Variants in SEMA4D observed in about 807,000 individuals in gnomAD.
SEMA4D encodes the protein semaphorin 4D, also known as semaphorin-4D.
In SEMA4D, 22 loss-of-function variants were observed where a neutral mutation model predicts 74.8. The observed-to-expected ratio is 0.29, with a 90% confidence interval of 0.21 to 0.42. The LOEUF (loss-of-function observed/expected upper bound fraction) is 0.42, where lower values mean the gene tolerates loss of function less well. Ranked by LOEUF, SEMA4D falls within the 10% of genes least tolerant of loss-of-function variation. The pLI is 1.00. For synonymous variants in SEMA4D, 445 were observed against 463.7 expected, an observed-to-expected ratio of 0.96 and a Z score of 0.52; for missense variants, 937 against 1,118.4, an observed-to-expected ratio of 0.84 and a Z score of 2.31.
At chr9:89,412,232 C>T (rs1844692796) in intron 2 of SEMA4D, among the ~76,000 whole-genome samples, 1 of 152,180 alleles carries the variant, frequency 6.6e-6, no homozygotes, top group Admixed American at 6.5e-5. Flanking sequence ...AGGTAAGGAG[C>T]CAAGAGTAGA....
intron 2 of SEMA4D, among the ~76,000 whole-genome samples, chr9:89,413,436 A>G (rs551064416): frequency 2.0e-5 from 3 of 152,360 alleles, no homozygotes; most frequent in Admixed American, 6.5e-5. Flanking sequence ...GTATATATAT[A>G]TGTGGACACA....
At chr9:89,458,339 G>A (rs1173823581) in intron 1 of SEMA4D, among the ~76,000 whole-genome samples, 10 of 152,082 alleles carry the variant, frequency 6.6e-5, no homozygotes, top group African/African-American at 1.5e-4. Context: ...CACTGCAACC[G>A]ATACATACCA....
At chr9:89,461,475 T>A (rs1426383049) in intron 1 of SEMA4D, among the ~76,000 whole-genome samples, 1 of 152,086 alleles carries the variant, frequency 6.6e-6, no homozygotes, top group African/African-American at 2.4e-5. Flanking sequence ...TATGAGCAAA[T>A]GGCTGCAGTT....
chr9:89,456,633 C>A (rs116777922), intron 1 of SEMA4D, among the ~76,000 whole-genome samples: 3 of 152,156 alleles, frequency 2.0e-5, no homozygotes. Flanking sequence ...CAGGCTGGAG[C>A]GCAGCGGCAC....
intron 2 of SEMA4D, chr9:89,436,468 G>A (rs984667426): frequency 1.3e-5 from 2 of 152,398 alleles, no homozygotes; most frequent in Non-Finnish European, 2.9e-5. Context: ...CTGACTGCAG[G>A]GGTTTCAAGG....
chr9:89,437,560 G>T (rs540975078), intron 2 of SEMA4D, among the ~76,000 whole-genome samples: 2 of 152,318 alleles, frequency 1.3e-5, no homozygotes, highest in South Asian at 2.1e-4. Context: ...CGCCCTGAGA[G>T]GGGAGGGCAC....
chr9:89,425,700 C>G (rs570729878), intron 2 of SEMA4D, among the ~76,000 whole-genome samples: 3 of 152,346 alleles, frequency 2.0e-5, no homozygotes, highest in South Asian at 2.1e-4. Flanking sequence ...ACCCCCTCCC[C>G]CAGTGTGCCC....
At chr9:89,486,879 C>G (rs1825240102) in intron 1 of SEMA4D, among the ~76,000 whole-genome samples, 1 of 152,120 alleles carries the variant, frequency 6.6e-6, no homozygotes, top group African/African-American at 2.4e-5. Context: ...GATTGTACCA[C>G]TGCACTCCAG....
At chr9:89,416,349 T>C (rs1845700549) in intron 2 of SEMA4D, among the ~76,000 whole-genome samples, 2 of 152,202 alleles carry the variant, frequency 1.3e-5, no homozygotes, top group Non-Finnish European at 1.5e-5. Context: ...TGCTCCTCAA[T>C]GAGGGGCTGG....
At chr9:89,491,207 T>C (rs1174557669) in intron 1 of SEMA4D, among the ~76,000 whole-genome samples, 1 of 152,194 alleles carries the variant, frequency 6.6e-6, no homozygotes, top group Admixed American at 6.5e-5. Context: ...CATGGGCCTG[T>C]CCCACCCACT....
intron 1 of SEMA4D, among the ~76,000 whole-genome samples, chr9:89,486,225 G>A (rs968656040): frequency 1.3e-5 from 2 of 152,174 alleles, no homozygotes; most frequent in African/African-American, 4.8e-5. Context: ...AGTGAAAGAA[G>A]CCAGACTCAA....
At chr9:89,450,123 C>A in intron 2 of SEMA4D, 1 of 1,242,078 alleles carries the variant, frequency 8.1e-7, no homozygotes, top group Non-Finnish European at 1.2e-6. Flanking sequence ...GCTGTCACAC[C>A]AGCTGAAGCA....
At chr9:89,450,455 T>C (rs17439518) in intron 2 of SEMA4D, 291,787 of 1,386,926 alleles carry the variant, frequency 0.21, 33,112 homozygotes, top group East Asian at 0.25. Context: ...GCGCCAAACA[T>C]GAAATGCTGC....
intron 1 of SEMA4D, among the ~76,000 whole-genome samples, chr9:89,468,617 A>C (rs1229100807): frequency 6.6e-6 from 1 of 152,234 alleles, no homozygotes; most frequent in African/African-American, 2.4e-5. Context: ...ACAAAACATA[A>C]ATAAATCAGT....
chr9:89,477,308 A>AC lies in SEMA4D; in HGVS notation c.-310+20610dup, dbSNP rs575917746. 3.0e-4 allele frequency among the ~76,000 whole-genome samples: 45 copies of AC among 150,946 alleles called. No homozygotes were observed. In the South Asian group the frequency reaches 3.2e-3, roughly 11 times the overall value. On this transcript the variant is annotated intron_variant, in intron 1 of 15. Transcript: ENST00000422704. Reference sequence around the variant, plus strand: ...CACATTCACATACACACATGCATGCACCCCCCCACACACACACAAACACAC... The same window carrying AC: ...CACATTCACATACACACATGCATGCACCCCCCCCACACACACACAAACACAC...
At chr9:89,371,455 T>G (rs1454131609) in intron 16 of SEMA4D, among the ~76,000 whole-genome samples, 4 of 57,206 alleles carry the variant, frequency 7.0e-5, no homozygotes, top group African/African-American at 1.3e-4. Flanking sequence ...GGTGTGTGTC[T>G]GGGGTGTGTG....
At chr9:89,476,200 G>A (rs1476656414) in intron 1 of SEMA4D, among the ~76,000 whole-genome samples, 1 of 152,184 alleles carries the variant, frequency 6.6e-6, no homozygotes, top group Non-Finnish European at 1.5e-5. Context: ...CTCTGGGGCA[G>A]GCTTCTGGGA....
At chr9:89,474,993 G>A (rs900519018) in intron 1 of SEMA4D, among the ~76,000 whole-genome samples, 2 of 152,238 alleles carry the variant, frequency 1.3e-5, no homozygotes, top group South Asian at 4.1e-4. Context: ...TACAGGGAGG[G>A]TTTCACAGCT....
chr9:89,400,843 G>A (rs1587596172), intron 4 of SEMA4D, among the ~76,000 whole-genome samples: 1 of 152,068 alleles, frequency 6.6e-6, no homozygotes, highest in Admixed American at 6.5e-5. Context: ...GGACCACCAT[G>A]GTGTCATTAA....
Sources: gnomAD v4.1 joint callset for allele counts (sites outside exome capture counted in the v4.1 genomes callset) on GRCh38, gnomAD v4.1.1 for gene constraint, MANE v1.5 for transcripts, NCBI Gene and HGNC (gene_info 2026-07-23, HGNC 2026-07-21) for gene names.